Variants in E4F1 observed in about 807,000 individuals in gnomAD.
E4F1 encodes transcription factor E4F1.
In E4F1, 30 loss-of-function variants were observed where a neutral mutation model predicts 72.9. The observed-to-expected ratio is 0.41, with a 90% CI of 0.31 to 0.56. The LOEUF is 0.56. E4F1 is among the 20% of genes least tolerant of loss of function. E4F1 has a pLI of 0.25. For missense variants in E4F1, 1,091 were observed against 1,117.5 expected (o/e 0.98, Z 0.34); for synonymous variants, 542 against 478.2 (o/e 1.13, Z -1.74).
At chr16:2,229,367 G>GC (rs1196411279) in intron 2 of E4F1, among the ~76,000 whole-genome samples, 1 of 152,242 alleles carries the variant, frequency 6.6e-6, no homozygotes, top group Non-Finnish European at 1.5e-5. Context: ...CCTGGCCCGG[G>GC]GGTGAAGGGA....
intron 1 of E4F1, among the ~76,000 whole-genome samples, chr16:2,224,481 G>A (rs962541735): frequency 5.3e-5 from 8 of 152,222 alleles, no homozygotes; most frequent in African/African-American, 1.9e-4. Context: ...GAAAATCGAA[G>A]GTTGGAGACC....
intron 3 of E4F1, chr16:2,231,774 C>T (rs2093469068): frequency 5.1e-6 from 1 of 194,228 alleles, no homozygotes. Flanking sequence ...CACATCCTCC[C>T]TATGTTGGTG....
chr16:2,225,808 A>AT (rs1218918153), intron 1 of E4F1, among the ~76,000 whole-genome samples: 9 of 150,076 alleles, frequency 6.0e-5, no homozygotes, highest in African/African-American at 2.2e-4. Flanking sequence ...AAAAAAAAAA[A>AT]AAAAAGGCTG....
At position 2,224,057 on chromosome 16, in the gene E4F1, C is replaced by T. The variant is rs1013876578; in HGVS notation, c.157+287C>T. 14 of 1,124,462 alleles carry T rather than the reference C, an allele frequency of 1.2e-5. No individual in the cohort carries two copies. In the African/African-American group the frequency reaches 2.1e-4, roughly 17 times the overall value. 69.7% of individuals were successfully genotyped at this position (1,124,462 alleles called of 1,614,324 possible). Reference sequence around the variant, plus strand: ...CGGTGTAGACATTCGCAGACGCCGGCGTCCCGGCCCTTCTCTGCCTCCGAT... The same window carrying T: ...CGGTGTAGACATTCGCAGACGCCGGTGTCCCGGCCCTTCTCTGCCTCCGAT... On this transcript the variant is annotated intron_variant, in intron 1 of 13. Transcript: ENST00000301727.
chr16:2,223,681 G>A lies in E4F1; in HGVS notation c.68G>A (p.Arg23Gln). 2 of 1,579,682 alleles carry A rather than the reference G, an allele frequency of 1.3e-6. No homozygotes were observed. Among genetic ancestry groups the A allele is most frequent in the Non-Finnish European group, 8.5e-7 (1 of 1,170,760 alleles). Residue 23 changes from arginine (R) to glutamine (Q), a missense_variant, in exon 1 of 14, where the codon CGG (arginine) becomes CAG (glutamine). Transcript: ENST00000301727. ...GCAGAAGCCCAGGCCGAAGCCGGGC[G>A]GGAAGCGGGCGAGGGTGCAGTTGCG... ...HTAEAQAEAG[R>Q]EAGEGAVAAV...
chr16:2,223,840 T>C, intron 1 of E4F1, 70 bp downstream of exon 1: 1 of 1,530,926 alleles, frequency 6.5e-7, no homozygotes, highest in East Asian at 2.5e-5. Context: ...GAGGCCCGGA[T>C]GGCCCGAGCT....
chr16:2,233,388 GC>G (rs2093480726), intron 7 of E4F1, 49 bp from the exon 8 acceptor site: 8 of 1,479,750 alleles, frequency 5.4e-6, no homozygotes, highest in Non-Finnish European at 7.1e-6. Flanking sequence ...TGGGGTGGGT[GC>G]TGGATGCCAG....
At position 2,233,364 on chromosome 16, in the gene E4F1, G is replaced by A. The variant is rs375602180; in HGVS notation, c.1057-74G>A. ...TGAGGGTTTGCACAAGGCTCCTGGC[G>A]TGCGTCTGCCCCATGGGGTGGGTGC... On this transcript the variant is annotated intron_variant, in intron 7 of 13. Coordinates refer to ENST00000301727, the MANE Select transcript of E4F1 (RefSeq NM_004424.5). 3.2e-3 allele frequency: 4,582 copies of A among 1,438,648 alleles called. 7 individuals carry two copies. The highest frequency in any genetic ancestry group is 3.5e-3 in the Non-Finnish European group (3,847 of 1,091,934). 89.1% of individuals were successfully genotyped at this position (1,438,648 alleles called of 1,614,324 possible). A position where few individuals can be genotyped will look rare whatever the true frequency, so the allele number is the denominator to read the frequency against.
Position 2,235,391 on chromosome 16 carries a change from T to A in E4F1, c.2174T>A (p.Met725Lys). 2 of 1,610,678 alleles carry A rather than the reference T, an allele frequency of 1.2e-6. No homozygotes were observed. The highest frequency in any genetic ancestry group is 1.7e-6 in the Non-Finnish European group (2 of 1,179,842). The change falls in exon 14 of 14, where the codon ATG becomes AAG. Residue 725 changes from methionine (M) to lysine (K), a missense_variant. Coordinates refer to ENST00000301727, the MANE Select transcript of E4F1 (RefSeq NM_004424.5). Reference sequence around the variant, plus strand: ...GAGAGCCTGACAGAGCAGGTGGCCATGACGCTGGCCTCGGCCATCAGCGAG... The same window carrying A: ...GAGAGCCTGACAGAGCAGGTGGCCAAGACGCTGGCCTCGGCCATCAGCGAG... ...TPESLTEQVA[M>K]TLASAISEGT...
chr16:2,233,924 T>C lies in E4F1; in HGVS notation c.1309T>C (p.Cys437Arg). Residue 437 changes from cysteine to arginine, a missense_variant, in exon 9 of 14, where the codon TGT (cysteine) becomes CGT (arginine). By Grantham distance (180) the Cys-to-Arg change is radical. Coordinates refer to ENST00000301727, the MANE Select transcript of E4F1 (RefSeq NM_004424.5). ...EASAVPRTHP[C>R]PQCSETFPTA... ...CTCAGCGGTGCCCAGGACCCACCCA[T>C]GTCCTCAGTGCAGTGAGACCTTCCC... is the stretch of plus-strand genomic sequence containing the variant. 5 of 1,603,926 alleles carry C rather than the reference T, an allele frequency of 3.1e-6. No individual in the cohort carries two copies. The highest frequency in any genetic ancestry group is 1.3e-5 in the African/African-American group (1 of 74,896).
At position 2,232,483 on chromosome 16, in the gene E4F1, A is replaced by T; in HGVS notation, c.637A>T (p.Thr213Ser). The change falls in exon 5 of 14, where the codon ACT (threonine) becomes TCT (serine). Residue 213 changes from threonine to serine, a missense_variant. Thr to Ser is a moderately conservative substitution (Grantham distance 58). This residue lies in a region of E4F1 where 362 missense variants were observed against 358.6 expected (regional missense o/e 1.01). Coordinates refer to ENST00000301727, the MANE Select transcript of E4F1 (RefSeq NM_004424.5). The part of the protein sequence containing the change: ...TGSILKAHMV[T>S]HSSRKDHECK... ...CAGCATCCTCAAGGCCCACATGGTC[A>T]CTCACAGCAGCCGCAAGGACCACGA... The T allele has an allele frequency of 6.2e-7, 1 of 1,611,004 alleles. No individual in the cohort carries two copies. The highest frequency in any genetic ancestry group is 1.1e-5 in the South Asian group (1 of 90,802).
chr16:2,233,885 G>A lies in E4F1; in HGVS notation c.1270G>A (p.Val424Met). 1.3e-6 allele frequency: 2 copies of A among 1,590,770 alleles called. No individual in the cohort carries two copies. Among genetic ancestry groups the A allele is most frequent in the East Asian group, 2.3e-5 (1 of 43,776 alleles). ...AGACCTTCCTGTGGTTCCCCAGCAG[G>A]TGGCCAGCGAGGCCTCAGCGGTGCC... is the stretch of plus-strand genomic sequence containing the variant. ...VLEVQPLETQ[V>M]ASEASAVPRT... Residue 424 changes from valine to methionine, a missense_variant, in exon 9 of 14, where the codon GTG (valine) becomes ATG (methionine). Coordinates refer to ENST00000301727, the MANE Select transcript of E4F1 (RefSeq NM_004424.5).
At position 2,235,356 on chromosome 16, in the gene E4F1, C is replaced by T. The variant is rs26840; in HGVS notation, c.2139C>T (p.Ile713=). 644,887 of 1,609,234 alleles carry T rather than the reference C, an allele frequency of 0.4. 134,148 individuals are homozygous for T. Among genetic ancestry groups the T allele is most frequent in the South Asian group, 0.44 (40,033 of 91,064 alleles). The change falls in exon 14 of 14, where the codon ATC becomes ATT. Residue 713 remains isoleucine, a synonymous_variant. Transcript: ENST00000301727. ...CGGCTGCCGCCGACACCATCACCAT[C>T]GCCACCCCCGAGAGCCTGACAGAGC... The part of the protein sequence containing the change: ...PEAAAADTIT[I]ATPESLTEQV...
intron 8 of E4F1, 39 bp from the exon 9 acceptor site, chr16:2,233,843 C>A: frequency 6.6e-7 from 1 of 1,521,516 alleles, no homozygotes; most frequent in Non-Finnish European, 8.9e-7. Context: ...CAGGGCACAG[C>A]CTGCCCCGGG....
chr16:2,226,453 A>C (rs1289514214), intron 1 of E4F1, among the ~76,000 whole-genome samples: 1 of 152,146 alleles, frequency 6.6e-6, no homozygotes, highest in Non-Finnish European at 1.5e-5. Context: ...CCATCAGGAG[A>C]GGACGACTCT....
intron 1 of E4F1, among the ~76,000 whole-genome samples, chr16:2,225,821 C>T (rs1173479597): frequency 2.1e-5 from 3 of 145,764 alleles, no homozygotes; most frequent in East Asian, 2.0e-4. Flanking sequence ...AAAGGCTGGG[C>T]GCAATGGCTC....
chr16:2,234,091 A>G, intron 9 of E4F1, 80 bp from the exon 10 acceptor site: 4 of 1,566,374 alleles, frequency 2.6e-6, no homozygotes, highest in Non-Finnish European at 3.5e-6. Context: ...GCAGGGAGCC[A>G]GGGGATCTGT....
intron 4 of E4F1, 21 bp from the exon 5 acceptor site, chr16:2,232,435 C>T (rs2141463150): frequency 6.2e-7 from 1 of 1,607,698 alleles, no homozygotes; most frequent in Non-Finnish European, 8.5e-7. Flanking sequence ...GGGCCCTGAG[C>T]TGCCACGCCC....
At position 2,228,315 on chromosome 16, in the gene E4F1, G is replaced by A. The variant is rs774460791; in HGVS notation, c.158-57G>A. Reference sequence around the variant, plus strand: ...AGGGCTGGAGGAAAAGCCAGACGGAGCCCTGGCTGCCCAGCCTCCGCCTTC... The same window carrying A: ...AGGGCTGGAGGAAAAGCCAGACGGAACCCTGGCTGCCCAGCCTCCGCCTTC... On this transcript the variant is annotated intron_variant, in intron 1 of 13. Transcript: ENST00000301727. 3.7e-6 allele frequency: 6 copies of A among 1,607,148 alleles called. No homozygotes were observed. In the South Asian group the frequency reaches 4.4e-5, roughly 12 times the overall value.
Sources: allele counts gnomAD v4.1 joint callset (sites outside exome capture counted in the v4.1 genomes callset), GRCh38; gene constraint gnomAD v4.1.1; regional missense constraint gnomAD v4.1.1; transcripts MANE v1.5; gene names NCBI Gene and HGNC (gene_info 2026-07-23, HGNC 2026-07-21).